SCAI: variants seen among roughly 807,000 people sequenced by gnomAD.
SCAI encodes protein SCAI.
A neutral mutation model predicts 92.2 loss-of-function variants in SCAI; 24 were observed. The ratio of observed to expected loss-of-function variants is 0.26; its 90% CI spans 0.19 to 0.37. The LOEUF is 0.37. SCAI is among the 10% of genes least tolerant of loss of function. The pLI, the probability that SCAI is intolerant of heterozygous loss-of-function variation, is 1.00. For missense variants in SCAI, 450 were observed against 736.2 expected (o/e 0.61, Z 4.50); for synonymous variants, 261 against 258.6 (o/e 1.01, Z -0.09).
chr9:125,055,398 C>T (rs1833640579), intron 3 of SCAI, among the ~76,000 whole-genome samples: 1 of 152,076 alleles, frequency 6.6e-6, no homozygotes, highest in African/African-American at 2.4e-5. Context: ...CCACCCACCC[C>T]CCACCATCAC....
rs886200566 is a variant in SCAI at position 124,946,590 on chromosome 9, AAT to A, written c.*6215_*6216del. On this transcript the variant is annotated 3_prime_UTR_variant, in exon 18 of 18. Transcript: ENST00000336505. The surrounding 1 kb of genome is among the most constrained non-coding windows in gnomAD (Gnocchi z 4.0). The stretch of plus-strand genomic sequence containing the variant: ...TCTCCTACACTCTTTCATGCAAATA[AAT>A]ATGTCAACTGAAGTAACCAAACATT... 4 of 152,220 alleles carry A rather than the reference AAT, an allele frequency of 2.6e-5. No individual in the cohort carries two copies. The highest frequency in any genetic ancestry group is 9.6e-5 in the African/African-American group (4 of 41,466). 9.4% of individuals were successfully genotyped at this position (152,220 alleles called of 1,614,324 possible). A position where few individuals can be genotyped will look rare whatever the true frequency, so the allele number is the denominator to read the frequency against.
At position 125,143,394 on chromosome 9, in the gene SCAI, A is replaced by T; in HGVS notation, c.44T>A (p.Leu15Gln). The change falls in exon 1 of 18, where the codon CTG (leucine) becomes CAG (glutamine). Residue 15 changes from leucine to glutamine, a missense_variant. This residue lies in a region of SCAI where 70 missense variants were observed against 66.3 expected (regional missense o/e 1.06). Transcript: ENST00000336505. Reference sequence around the variant, plus strand: ...CACCCAGCCCCCGCACCTGGGGGCCAGGCGACTCCGCGGCTGCTGGGGCTG... The same window carrying T: ...CACCCAGCCCCCGCACCTGGGGGCCTGGCGACTCCGCGGCTGCTGGGGCTG... ...ARQPQQPRSR[L>Q]APRLTGTVEK... The T allele has an allele frequency of 7.5e-7, 1 of 1,332,070 alleles. No individual in the cohort carries two copies. The highest frequency in any genetic ancestry group is 9.7e-7 in the Non-Finnish European group (1 of 1,036,166). The allele number at this position is 1,332,070 out of a possible 1,614,324, so 82.5% of individuals were successfully genotyped here. A position where few individuals can be genotyped will look rare whatever the true frequency, so the allele number is the denominator to read the frequency against.
intron 2 of SCAI, among the ~76,000 whole-genome samples, chr9:125,140,672 G>A (rs1458253850): frequency 7.3e-6 from 1 of 137,016 alleles, no homozygotes; most frequent in Non-Finnish European, 1.5e-5. Context: ...TGGGCAACAT[G>A]GCCAAACCTT....
chr9:124,955,204 G>A (rs1831296058), intron 17 of SCAI, among the ~76,000 whole-genome samples: 1 of 151,210 alleles, frequency 6.6e-6, no homozygotes, highest in South Asian at 2.1e-4. Flanking sequence ...AAATGCTTGT[G>A]TTAGAAGAGA....
At chr9:125,097,090 A>G (rs1834573349) in intron 2 of SCAI, among the ~76,000 whole-genome samples, 1 of 152,224 alleles carries the variant, frequency 6.6e-6, no homozygotes. Flanking sequence ...TATTACGTAT[A>G]CAATTACTTC....
At chr9:125,075,409 T>G (rs1196083727) in intron 2 of SCAI, among the ~76,000 whole-genome samples, 1 of 151,936 alleles carries the variant, frequency 6.6e-6, no homozygotes, top group African/African-American at 2.4e-5. Flanking sequence ...GTTTCATTCT[T>G]TCTTTTTTTT....
chr9:125,054,338 T>C (rs1007118296), intron 3 of SCAI, among the ~76,000 whole-genome samples: 31 of 152,192 alleles, frequency 2.0e-4, no homozygotes, highest in East Asian at 1.7e-3. Context: ...ATCTGTGAAA[T>C]AGGTTCACTG....
chr9:125,073,570 G>A (rs530112168), intron 2 of SCAI, among the ~76,000 whole-genome samples: 36 of 152,190 alleles, frequency 2.4e-4, no homozygotes, highest in Admixed American at 3.9e-4. Flanking sequence ...ATATGAATGA[G>A]TGTAGTTTTG....
intron 14 of SCAI, among the ~76,000 whole-genome samples, chr9:124,981,582 A>G (rs1831887094): frequency 6.6e-6 from 1 of 152,106 alleles, no homozygotes; most frequent in Non-Finnish European, 1.5e-5. Flanking sequence ...GTGTTATTAG[A>G]TTTTACTAAA....
chr9:125,142,778 G>A, intron 1 of SCAI, 101 bp from the exon 2 acceptor site: 3 of 978,720 alleles, frequency 3.1e-6, no homozygotes, highest in Non-Finnish European at 4.9e-6. Context: ...CACCCTCTGG[G>A]ACCACAGGCT....
rs1367045700 is a variant in SCAI, at chr9:125,143,404, G to T, written c.34C>A (p.Arg12=). ...VRGARQPQQP[R]SRLAPRLTGT... is the part of the protein sequence containing the mutation. ...CCGCACCTGGGGGCCAGGCGACTCC[G>T]CGGCTGCTGGGGCTGCCGGGCTCCT... The change falls in exon 1 of 18, where the codon CGG becomes AGG. Residue 12 remains arginine (R), a synonymous_variant. Transcript: ENST00000336505. 14 of 1,383,196 alleles carry T rather than the reference G, an allele frequency of 1.0e-5. No homozygotes were observed. The highest frequency in any genetic ancestry group is 9.0e-5 in the African/African-American group (6 of 66,544). 85.7% of individuals were successfully genotyped at this position (1,383,196 alleles called of 1,614,324 possible).
chr9:125,036,977 T>G (rs914538501), intron 3 of SCAI, among the ~76,000 whole-genome samples: 3 of 152,010 alleles, frequency 2.0e-5, no homozygotes, highest in African/African-American at 7.2e-5. Context: ...TTAAAAAAAT[T>G]ATCCAGGCAG....
At chr9:124,960,683 A>G (rs967007781) in intron 17 of SCAI, among the ~76,000 whole-genome samples, 4 of 152,264 alleles carry the variant, frequency 2.6e-5, no homozygotes, top group Non-Finnish European at 2.9e-5. Context: ...CTGACTAAAA[A>G]GGAGGATAGA....
Position 124,945,686 on chromosome 9 carries a change from A to C in SCAI, c.*7121T>G, listed in dbSNP as rs1435511666. The C allele has an allele frequency of 6.6e-6, 1 of 152,234 alleles. No homozygotes were observed. Among genetic ancestry groups the C allele is most frequent in the Non-Finnish European group, 1.5e-5 (1 of 68,038 alleles). 9.4% of individuals were successfully genotyped at this position (152,234 alleles called of 1,614,324 possible). ...CAGTTCTCTTTATCCAATTAAAGGC[A>C]TATCACCCTACATCATCCTGACACC... is the stretch of plus-strand genomic sequence containing the variant. On this transcript the variant is annotated 3_prime_UTR_variant, in exon 18 of 18. Coordinates refer to ENST00000336505, the MANE Select transcript of SCAI (RefSeq NM_001144877.3).
chr9:125,131,340 G>A lies in SCAI; in HGVS notation c.98+11293C>T, dbSNP rs182366610. Among the ~76,000 whole-genome samples the A allele has an allele frequency of 2.9e-3, 432 of 151,080 alleles. 1 individual carries two copies. The highest frequency in any genetic ancestry group is 6.8e-3 in the Middle Eastern group (2 of 294). Reference sequence around the variant, plus strand: ...GGAGAATCGCTGGAACCCGGGAGGCGGAGGTTGCAGTGAGCCGAGATTGTG... The same window carrying A: ...GGAGAATCGCTGGAACCCGGGAGGCAGAGGTTGCAGTGAGCCGAGATTGTG... On this transcript the variant is annotated intron_variant, in intron 2 of 17. Transcript: ENST00000336505.
chr9:125,025,673 G>A (rs1459354089), intron 6 of SCAI, among the ~76,000 whole-genome samples: 2 of 152,070 alleles, frequency 1.3e-5, no homozygotes, highest in African/African-American at 2.4e-5. Context: ...TGATGTAAGG[G>A]GATGACAAAA....
chr9:125,079,015 T>G (rs1588203909), intron 2 of SCAI, among the ~76,000 whole-genome samples: 1 of 152,328 alleles, frequency 6.6e-6, no homozygotes, highest in East Asian at 1.9e-4. Flanking sequence ...TTGATTCATC[T>G]ATTTTTGATA....
chr9:125,056,238 G>A (rs1833662376), intron 2 of SCAI, among the ~76,000 whole-genome samples: 1 of 152,146 alleles, frequency 6.6e-6, no homozygotes, highest in Admixed American at 6.6e-5. Flanking sequence ...GGCCGAGGTG[G>A]ATGGATCACC....
intron 13 of SCAI, among the ~76,000 whole-genome samples, chr9:124,998,277 A>C (rs1832285866): frequency 6.6e-6 from 1 of 152,056 alleles, no homozygotes. Context: ...ACATGGCGAA[A>C]CCCCATCTCT....
Sources: allele counts gnomAD v4.1 joint callset (sites outside exome capture counted in the v4.1 genomes callset), GRCh38; gene constraint gnomAD v4.1.1; regional missense constraint gnomAD v4.1.1; non-coding constraint Gnocchi (gnomAD v3.1); transcripts MANE v1.5; gene names NCBI Gene and HGNC (gene_info 2026-07-23, HGNC 2026-07-21).